IL24: variants seen among roughly 807,000 people sequenced by gnomAD.
IL24 encodes the protein interleukin-24.
A neutral mutation model predicts 27.6 loss-of-function variants in IL24; 24 were observed. The observed-to-expected ratio is 0.87, with a 90% CI of 0.63 to 1.22. The LOEUF (loss-of-function observed/expected upper bound fraction) is 1.22. IL24 is among the 50% of genes most tolerant of loss of function. The pLI, the probability that IL24 is intolerant of heterozygous loss-of-function variation, is 0.00. For missense variants in IL24, 240 were observed against 237.0 expected (o/e 1.01, Z -0.08); for synonymous variants, 99 against 93.1 (o/e 1.06, Z -0.36).
chr1:206,902,534 A>AG, intron 6 of IL24: 2 of 979,394 alleles, frequency 2.0e-6, no homozygotes, highest in Non-Finnish European at 2.4e-6. Flanking sequence ...TTTCATCCCC[A>AG]GCCCCCCTAA....
At chr1:206,902,634 G>C in intron 6 of IL24, 6 of 985,254 alleles carry the variant, frequency 6.1e-6, no homozygotes, top group Non-Finnish European at 7.2e-6. Flanking sequence ...ACATCTGATG[G>C]AGAGGGGCCA....
At position 206,901,520 on chromosome 1, in the gene IL24, C is replaced by T. The variant is rs373353119; in HGVS notation, c.330C>T (p.His110=). The T allele has an allele frequency of 9.3e-6, 15 of 1,613,576 alleles. No homozygotes were observed. In the African/African-American group the frequency reaches 1.3e-4, roughly 14 times the overall value. The change falls in exon 5 of 7, where the codon CAC becomes CAT. Residue 110 remains histidine (H), a synonymous_variant. Coordinates refer to ENST00000294984, the MANE Select transcript of IL24 (RefSeq NM_006850.3). The part of the protein sequence containing the change: ...VSDAESCYLV[H]TLLEFYLKTV... ...ATGCTGAGAGCTGTTACCTTGTCCA[C>T]ACCCTGCTGGAGTTCTACTTGAAAA...
chr1:206,900,488 C>A (rs1027568036), intron 4 of IL24, 131 bp downstream of exon 4: 2 of 790,758 alleles, frequency 2.5e-6, no homozygotes, highest in Non-Finnish European at 4.4e-6. Context: ...AGGACAGGGC[C>A]AGACTGTGAG....
At chr1:206,902,393 A>AGGGGGGGGGGGG in intron 6 of IL24, 2 of 401,774 alleles carry the variant, frequency 5.0e-6, no homozygotes, top group Non-Finnish European at 6.6e-6. Context: ...GAAGGGAGAC[A>AGGGGGGGGGGGG]CCCCACCCCC....
In IL24 at chr1:206,901,461, C is replaced by G. The variant is rs776535750; in HGVS notation, c.304-33C>G. On this transcript the variant is annotated intron_variant, in intron 4 of 6. Coordinates refer to ENST00000294984, the MANE Select transcript of IL24 (RefSeq NM_006850.3). ...TTCAGGGGGTCAGGGTGGGCAGAGG[C>G]CTTGGCTCAGCAGTGACCCAGACCT... is the stretch of plus-strand genomic sequence containing the variant. 113 of 1,590,220 alleles carry G rather than the reference C, an allele frequency of 7.1e-5. 2 individuals are homozygous for G. In the South Asian group the frequency reaches 1.3e-3, roughly 18 times the overall value.
At chr1:206,899,210 T>C in intron 2 of IL24, 110 bp from the exon 3 acceptor site, 1 of 1,133,284 alleles carries the variant, frequency 8.8e-7, no homozygotes, top group Non-Finnish European at 1.2e-6. Flanking sequence ...AACTTGCCCA[T>C]TGGAGAGTGC....
intron 6 of IL24, 186 bp from the exon 7 acceptor site, chr1:206,902,790 C>T (rs1363900130): frequency 2.0e-6 from 2 of 985,218 alleles, no homozygotes; most frequent in Non-Finnish European, 2.4e-6. Flanking sequence ...TTTGTCCTCA[C>T]CCCTGAAGCA....
Position 206,902,027 on chromosome 1 carries a change from CA to C in IL24, c.493del (p.Ser165ValfsTer18), listed in dbSNP as rs1558641810. 10 of 1,614,002 alleles carry C rather than the reference CA, an allele frequency of 6.2e-6. No individual in the cohort carries two copies. In the South Asian group the frequency reaches 1.1e-4, roughly 18 times the overall value. ...QENEMFSIRD[S>X]AHRRFLLFRR... ...AAAATGAGATGTTTTCCATCAGAGA[CA>C]GTGCACACAGGCGGTTTCTGCTATT... On this transcript the variant is annotated frameshift_variant, in exon 6 of 7. Coordinates refer to ENST00000294984, the MANE Select transcript of IL24 (RefSeq NM_006850.3). LOFTEE classifies it high-confidence loss of function.
Position 206,899,627 on chromosome 1 carries a change from A to C in IL24, c.240+112A>C, listed in dbSNP as rs3093423. 5.3e-3 allele frequency: 4,244 copies of C among 805,112 alleles called. 123 individuals are homozygous for C. The African/African-American group carries it at 0.06, about 11-fold the overall frequency. 49.9% of individuals were successfully genotyped at this position (805,112 alleles called of 1,614,324 possible). On this transcript the variant is annotated intron_variant, in intron 3 of 6. Transcript: ENST00000294984. ...TGGAGTCCTTCACAGCTTGCTAATC[A>C]GTTTCCAGTTTCCCATATAATAACT...
At chr1:206,901,891 G>T in intron 5 of IL24, 107 bp from the exon 6 acceptor site, 1 of 1,157,482 alleles carries the variant, frequency 8.6e-7, no homozygotes, top group Non-Finnish European at 1.3e-6. Context: ...TCAGCCCTGG[G>T]CTCTCAGGCT....
At position 206,904,004 on chromosome 1, in the gene IL24, C is replaced by G. The variant is rs987400915; in HGVS notation, c.*945C>G. 4 of 152,356 alleles carry G rather than the reference C, an allele frequency of 2.6e-5. No homozygotes were observed. The highest frequency in any genetic ancestry group is 9.7e-5 in the African/African-American group (4 of 41,446). The allele number at this position is 152,356 out of a possible 1,614,324, so 9.4% of individuals were successfully genotyped here. ...GCTGAACTTTGTGGTCGACATCAAT[C>G]TAAAGATACAGTGTCTGACTATAAC... On this transcript the variant is annotated 3_prime_UTR_variant, in exon 7 of 7. Transcript: ENST00000294984.
chr1:206,900,224 G>C, intron 3 of IL24, 71 bp from the exon 4 acceptor site: 3 of 1,334,526 alleles, frequency 2.2e-6, no homozygotes, highest in Non-Finnish European at 3.2e-6. Context: ...TAGGGAAGCA[G>C]CACATATTTG....
Position 206,899,336 on chromosome 1 carries a change from T to C in IL24, c.61T>C (p.Leu21=), listed in dbSNP as rs377027612. The part of the protein sequence containing the change: ...WTLARPFCPP[L]LATASQMQMV... ...TTTCAGCAGACCCTTCTGCCCTCCT[T>C]TGCTGGCGACAGCCTCTCAAATGCA... Residue 21 remains leucine (L), a synonymous_variant, in exon 3 of 7, where the codon TTG becomes CTG. Coordinates refer to ENST00000294984, the MANE Select transcript of IL24 (RefSeq NM_006850.3). 4.2e-5 allele frequency: 68 copies of C among 1,613,916 alleles called. No homozygotes were observed. The highest frequency in any genetic ancestry group is 4.2e-5 in the Non-Finnish European group (49 of 1,179,976).
At chr1:206,899,891 C>A (rs1678309895) in intron 3 of IL24, among the ~76,000 whole-genome samples, 1 of 152,146 alleles carries the variant, frequency 6.6e-6, no homozygotes. Flanking sequence ...GCAGGCTGTC[C>A]TCCCTCACAT....
In IL24 at chr1:206,897,523, G is replaced by A. The variant is rs1678207109; in HGVS notation, c.-195G>A. The A allele has an allele frequency of 8.9e-6, 2 of 224,688 alleles. No individual in the cohort carries two copies. Among genetic ancestry groups the A allele is most frequent in the East Asian group, 2.0e-4 (2 of 9,790 alleles). The allele number at this position is 224,688 out of a possible 1,614,324, so 13.9% of individuals were successfully genotyped here. The stretch of plus-strand genomic sequence containing the variant: ...TCCACCCACAGCTATGCCTCTGATT[G>A]GTGAATGGTGAAGGTGCCTGTCTAA... On this transcript the variant is annotated 5_prime_UTR_variant, in exon 1 of 7. Transcript: ENST00000294984.
Position 206,901,601 on chromosome 1 carries a change from C to T in IL24, c.411C>T (p.Phe137=), listed in dbSNP as rs767990228. 1.2e-6 allele frequency: 2 copies of T among 1,614,216 alleles called. No homozygotes were observed. Among genetic ancestry groups the T allele is most frequent in the Non-Finnish European group, 1.7e-6 (2 of 1,180,020 alleles). Residue 137 remains phenylalanine (F), a synonymous_variant, in exon 5 of 7, where the codon TTC becomes TTT. Coordinates refer to ENST00000294984, the MANE Select transcript of IL24 (RefSeq NM_006850.3). ...TTGAAGTCAGGACTCTGAAGTCATT[C>T]TCTACTCTGGCCAACAACTTTGTTC... ...RTVEVRTLKS[F]STLANNFVLI...
intron 6 of IL24, 145 bp from the exon 7 acceptor site, chr1:206,902,831 C>T: frequency 6.5e-7 from 1 of 1,538,074 alleles, no homozygotes; most frequent in Non-Finnish European, 8.7e-7. Flanking sequence ...GGAAAAGTGA[C>T]AGGCAGGTGG....
chr1:206,898,974 C>T (rs1428008941), intron 2 of IL24, among the ~76,000 whole-genome samples: 3 of 152,178 alleles, frequency 2.0e-5, no homozygotes, highest in Non-Finnish European at 2.9e-5. Context: ...ACATTAGAAC[C>T]TCCCATTTCT....
Position 206,901,996 on chromosome 1 carries a change from A to G in IL24, c.463-2A>G, listed in dbSNP as rs1459477698. The stretch of plus-strand genomic sequence containing the variant: ...CACAACTTCTTTTCCCATGTTATGT[A>G]GCAAGAAAATGAGATGTTTTCCATC... On this transcript the variant is annotated splice_acceptor_variant, in intron 5 of 6. Transcript: ENST00000294984. LOFTEE classifies it high-confidence loss of function. 2.5e-6 allele frequency: 4 copies of G among 1,613,946 alleles called. No individual in the cohort carries two copies. Among genetic ancestry groups the G allele is most frequent in the Non-Finnish European group, 3.4e-6 (4 of 1,179,940 alleles).
Sources: gnomAD v4.1 joint callset for allele counts (sites outside exome capture counted in the v4.1 genomes callset) on GRCh38, gnomAD v4.1.1 for gene constraint, MANE v1.5 for transcripts, NCBI Gene and HGNC (gene_info 2026-07-23, HGNC 2026-07-21) for gene names.